Variants in KIF3C observed in about 807,000 individuals in gnomAD.
KIF3C encodes kinesin family member 3C, also known as kinesin-like protein KIF3C.
KIF3C carries 12 observed loss-of-function variants against 67.7 expected under a neutral mutation model. The observed-to-expected ratio is 0.18, with a 90% confidence interval of 0.11 to 0.29. The LOEUF is 0.29. KIF3C is among the 10% of genes least tolerant of loss of function. KIF3C has a pLI of 1.00. For synonymous variants in KIF3C, 393 were observed against 426.2 expected, an observed-to-expected ratio of 0.92 and a Z score of 0.96; for missense variants, 789 against 1,059.6, an observed-to-expected ratio of 0.74 and a Z score of 3.55.
At chr2:25,945,279 G>C (rs1222974803) in intron 5 of KIF3C, among the ~76,000 whole-genome samples, 1 of 152,098 alleles carries the variant, frequency 6.6e-6, no homozygotes. Flanking sequence ...CTAATTCTTT[G>C]CAAAGAATCT....
chr2:25,949,961 T>C (rs996508474), intron 5 of KIF3C, among the ~76,000 whole-genome samples: 1 of 150,802 alleles, frequency 6.6e-6, no homozygotes, highest in Non-Finnish European at 1.5e-5. Context: ...AAAGAGCAAG[T>C]TTCACTGCAA....
intron 4 of KIF3C, among the ~76,000 whole-genome samples, chr2:25,952,547 GTGTATATA>G (rs141832336): frequency 2.5e-4 from 24 of 94,520 alleles, no homozygotes; most frequent in African/African-American, 9.9e-4. Context: ...GTGTGTGTGT[GTGTATATA>G]TATATATATT....
Position 25,951,676 on chromosome 2 carries a change from C to T in KIF3C, c.2006+113G>A. ...CATCGGCATCCTCCCCATCTTTTCC[C>T]CAATCCACAAAACATCTGTCTCCCT... On this transcript the variant is annotated intron_variant, in intron 5 of 7. Coordinates refer to ENST00000264712, the MANE Select transcript of KIF3C (RefSeq NM_002254.8). 3 of 686,686 alleles carry T rather than the reference C, an allele frequency of 4.4e-6. No individual in the cohort carries two copies. In the South Asian group the frequency reaches 5.2e-5, roughly 12 times the overall value. The allele number at this position is 686,686 out of a possible 1,614,324, so 42.5% of individuals were successfully genotyped here.
At chr2:25,954,497 T>A in intron 3 of KIF3C, 112 bp from the exon 4 acceptor site, 2 of 758,776 alleles carry the variant, frequency 2.6e-6, no homozygotes, top group Non-Finnish European at 4.4e-6. Flanking sequence ...CAGCCCAGGA[T>A]GAGGCTGCGG....
intron 1 of KIF3C, among the ~76,000 whole-genome samples, chr2:25,976,434 A>T (rs189951181): frequency 4.7e-4 from 71 of 152,282 alleles, no homozygotes; most frequent in African/African-American, 1.7e-3. Context: ...AGCTAAAATC[A>T]AAGTTTTAGG....
chr2:25,946,418 T>C (rs11126296), intron 5 of KIF3C, among the ~76,000 whole-genome samples: 72,021 of 151,810 alleles, frequency 0.47, 19,768 homozygotes, highest in East Asian at 0.88. Flanking sequence ...AGGCCGGGCA[T>C]GGTGGCTCAC....
rs1040654407 is a variant in KIF3C at position 25,933,568 on chromosome 2, G to C, written c.2007-3505C>G. Among the ~76,000 whole-genome samples, 6 of 151,926 alleles carry C rather than the reference G, an allele frequency of 3.9e-5. No homozygotes were observed. In the East Asian group the frequency reaches 1.2e-3, roughly 29 times the overall value. On this transcript the variant is annotated intron_variant, in intron 5 of 7. Transcript: ENST00000264712. ...CACACACCTGTAATCCCAGCTACTC[G>C]AGAGGCTGAGGTGGGAGGATCACCT... is the stretch of plus-strand genomic sequence containing the variant.
At chr2:25,975,772 C>T (rs1429332186) in intron 1 of KIF3C, among the ~76,000 whole-genome samples, 10 of 151,998 alleles carry the variant, frequency 6.6e-5, no homozygotes, top group African/African-American at 9.7e-5. Flanking sequence ...TCTTGGCTAA[C>T]GTGGTGAAAC....
At chr2:25,947,297 AG>A (rs1663469084) in intron 5 of KIF3C, among the ~76,000 whole-genome samples, 1 of 152,062 alleles carries the variant, frequency 6.6e-6, no homozygotes, top group Non-Finnish European at 1.5e-5. Context: ...AAGTTACTAC[AG>A]GGGCCCGACG....
chr2:25,951,194 G>A (rs916336069), intron 5 of KIF3C, among the ~76,000 whole-genome samples: 2 of 152,114 alleles, frequency 1.3e-5, no homozygotes, highest in African/African-American at 4.8e-5. Flanking sequence ...CCAGCAGAGG[G>A]AGCCACACAC....
At chr2:25,963,022 TATATAATATATAATATATAATATATAA>T (rs1664034308) in intron 1 of KIF3C, among the ~76,000 whole-genome samples, 5 of 60,648 alleles carry the variant, frequency 8.2e-5, no homozygotes, top group Middle Eastern at 6.6e-3. Context: ...ATATATATAA[TATATAATATATAATATATAATATATAA>T]ATATATAAAT....
chr2:25,980,522 CCTT>C lies in KIF3C; in HGVS notation c.1393_1395del (p.Lys465del). ...GCTGCCTTCTCCTCCTCCAGCCGCT[CCTT>C]CTGTTCCTGCAGGTAATTCTCCATG... On this transcript the variant is annotated inframe_deletion, in exon 1 of 8. Transcript: ENST00000264712. This position sits in a 1 kb window ranked among gnomAD's most constrained non-coding sequence, Gnocchi z 7.6. 1 of 1,614,174 alleles carries C rather than the reference CCTT, an allele frequency of 6.2e-7. No individual in the cohort carries two copies. Among genetic ancestry groups the C allele is most frequent in the Non-Finnish European group, 8.5e-7 (1 of 1,180,024 alleles).
chr2:25,966,310 T>G (rs1319208694), intron 1 of KIF3C, among the ~76,000 whole-genome samples: 1 of 152,104 alleles, frequency 6.6e-6, no homozygotes, highest in African/African-American at 2.4e-5. Context: ...TTCACCATGT[T>G]GGCCAGGCTG....
At chr2:25,934,327 C>T (rs1026488942) in intron 5 of KIF3C, among the ~76,000 whole-genome samples, 3 of 151,944 alleles carry the variant, frequency 2.0e-5, no homozygotes, top group African/African-American at 2.4e-5. Context: ...GCCTATAAAC[C>T]CAGCACTTTG....
At chr2:25,962,983 TATATAA>T (rs1664024727) in intron 1 of KIF3C, among the ~76,000 whole-genome samples, 3 of 51,604 alleles carry the variant, frequency 5.8e-5, no homozygotes, top group Non-Finnish European at 8.4e-5. Context: ...TAATATATAA[TATATAA>T]TATATATAAT....
chr2:25,955,492 A>C lies in KIF3C; in HGVS notation c.1770+49T>G. 1 of 1,604,496 alleles carries C rather than the reference A, an allele frequency of 6.2e-7. No homozygotes were observed. The highest frequency in any genetic ancestry group is 2.2e-5 in the East Asian group (1 of 44,620). On this transcript the variant is annotated intron_variant, in intron 3 of 7. Transcript: ENST00000264712. The surrounding 1 kb of genome is among the most constrained non-coding windows in gnomAD (Gnocchi z 5.0). ...TGAAGCACACATCCCTTGGGCAGAG[A>C]CTGCTGGGCCTCCAGCACACCTTAA...
In KIF3C at chr2:25,981,461, T is replaced by A. The variant is rs762498522; in HGVS notation, c.457A>T (p.Ile153Phe). The A allele has an allele frequency of 8.7e-6, 14 of 1,614,060 alleles. No individual in the cohort carries two copies. The Admixed American group carries it at 1.3e-4, about 15-fold the overall frequency. ...ASYLEIYQEE[I>F]RDLLSKEPGK... The stretch of plus-strand genomic sequence containing the variant: ...GGCTCCTTGGAGAGCAGGTCTCGAA[T>A]CTCTTCCTGGTAGATCTCCAAATAG... Residue 153 changes from isoleucine to phenylalanine, a missense_variant, in exon 1 of 8, where the codon ATT becomes TTT. Physicochemically the swap from Ile to Phe is conservative, Grantham distance 21 (BLOSUM62 0). Transcript: ENST00000264712. The surrounding 1 kb of genome is among the most constrained non-coding windows in gnomAD (Gnocchi z 8.2).
intron 5 of KIF3C, among the ~76,000 whole-genome samples, chr2:25,932,000 T>G: frequency 6.8e-6 from 1 of 147,662 alleles, no homozygotes; most frequent in Non-Finnish European, 1.5e-5. Flanking sequence ...TTTCTTCTGT[T>G]TTGTTTTTTT....
At chr2:25,944,609 C>T (rs182102800) in intron 5 of KIF3C, among the ~76,000 whole-genome samples, 15 of 152,220 alleles carry the variant, frequency 9.9e-5, no homozygotes, top group Non-Finnish European at 1.9e-4. Context: ...CTTCAGTCTC[C>T]TAAAGTGCTG....
Sources: gnomAD v4.1 joint callset for allele counts (sites outside exome capture counted in the v4.1 genomes callset) on GRCh38, gnomAD v4.1.1 for gene constraint, Gnocchi (gnomAD v3.1) non-coding constraint, MANE v1.5 for transcripts, NCBI Gene and HGNC (gene_info 2026-07-23, HGNC 2026-07-21) for gene names.